The following ADCY7 variants were observed in gnomAD, a reference collection of about 807,000 sequenced individuals.
ADCY7 encodes adenylate cyclase type 7.
ADCY7 carries 72 observed loss-of-function variants against 120.6 expected under a neutral mutation model. The ratio of observed to expected loss-of-function variants is 0.60; its 90% confidence interval spans 0.49 to 0.73. The LOEUF is 0.73. Among genes scored for constraint, ADCY7 ranks in the 30% least tolerant of loss-of-function variants. The pLI is 0.00. For missense variants in ADCY7, 1,227 were observed against 1,486.0 expected (o/e 0.83, Z 2.87); for synonymous variants, 661 against 628.0 (o/e 1.05, Z -0.78).
intron 1 of ADCY7, among the ~76,000 whole-genome samples, chr16:50,260,760 C>T (rs936809024): frequency 8.5e-5 from 13 of 152,150 alleles, no homozygotes; most frequent in African/African-American, 2.4e-4. Context: ...GGGAGGCCTC[C>T]GTTCCTCGAA....
At chr16:50,312,288 G>GGA in intron 21 of ADCY7, 97 bp downstream of exon 21, 1 of 1,390,418 alleles carries the variant, frequency 7.2e-7, no homozygotes, top group Non-Finnish European at 9.9e-7. Context: ...TGCTGAGCTT[G>GGA]GCTTCCTCAG....
Position 50,288,052 on chromosome 16 carries a change from C to T in ADCY7, c.-128C>T. 8.6e-7 allele frequency: 1 copy of T among 1,162,570 alleles called. No individual in the cohort carries two copies. Among genetic ancestry groups the T allele is most frequent in the Middle Eastern group, 2.6e-4 (1 of 3,804 alleles). The allele number at this position is 1,162,570 out of a possible 1,614,324, so 72.0% of individuals were successfully genotyped here. ...GCAGGCCCAGAGGCCCTCTCCCCAG[C>T]CCTGCTTGCCTGCCTCGGAGAGGAC... On this transcript the variant is annotated 5_prime_UTR_variant, in exon 2 of 26. Coordinates refer to ENST00000673801, the MANE Select transcript of ADCY7 (RefSeq NM_001114.5).
upstream of ADCY7, among the ~76,000 whole-genome samples, chr16:50,263,729 A>C (rs2150806640): frequency 6.6e-6 from 1 of 151,994 alleles, no homozygotes; most frequent in African/African-American, 2.4e-5. Context: ...AATGTTGGTC[A>C]GGGTGGGTCG....
chr16:50,252,170 C>A (rs1449197369), intron 1 of ADCY7, among the ~76,000 whole-genome samples: 1 of 152,166 alleles, frequency 6.6e-6, no homozygotes, highest in Admixed American at 6.5e-5. Context: ...GCAGGCAGTC[C>A]TTTCTCTGTG....
At chr16:50,298,808 G>C (rs1322441856) in intron 7 of ADCY7, 96 bp from the exon 8 acceptor site, 2 of 1,509,834 alleles carry the variant, frequency 1.3e-6, no homozygotes, top group East Asian at 2.3e-5. Flanking sequence ...AGCCAGGAGA[G>C]AGCCGGGTGC....
chr16:50,315,494 G>A lies in ADCY7; in HGVS notation c.3232G>A (p.Gly1078Arg). Residue 1078 changes from glycine to arginine, a missense_variant, in exon 26 of 26, where the codon GGG (glycine) becomes AGG (arginine). By Grantham distance (125) the Gly-to-Arg change is moderately radical. Coordinates refer to ENST00000673801, the MANE Select transcript of ADCY7 (RefSeq NM_001114.5). ...GGACACTGCCAAGTTTCAGGGGCTG[G>A]GGCTGAACTGAGGGCTCCTGCTGGA... ...CTDTAKFQGL[G>R]LN is the part of the protein sequence containing the mutation. The A allele has an allele frequency of 6.2e-7, 1 of 1,611,672 alleles. No homozygotes were observed. The highest frequency in any genetic ancestry group is 8.5e-7 in the Non-Finnish European group (1 of 1,177,928).
At chr16:50,291,217 C>G (rs915341404) in intron 3 of ADCY7, among the ~76,000 whole-genome samples, 2 of 152,140 alleles carry the variant, frequency 1.3e-5, no homozygotes, top group African/African-American at 4.8e-5. Context: ...GGTCCTATGA[C>G]AGCTCCTGTG....
rs1420800457 is a variant in ADCY7, at chr16:50,309,637, G to A, written c.2151G>A (p.Glu717=). The change falls in exon 18 of 26, where the codon GAG becomes GAA. Residue 717 remains glutamate, a synonymous_variant. Transcript: ENST00000673801. ...AASSKTRALC[E]PLPYYTCSCV... is the part of the protein sequence containing the mutation. Reference sequence around the variant, plus strand: ...GCAGCAAGACAAGAGCCCTGTGTGAGCCCCTCCCGGTGAGTGCGCCGGGCC... The same window carrying A: ...GCAGCAAGACAAGAGCCCTGTGTGAACCCCTCCCGGTGAGTGCGCCGGGCC... The A allele has an allele frequency of 1.2e-6, 2 of 1,609,778 alleles. No individual in the cohort carries two copies. Among genetic ancestry groups the A allele is most frequent in the Non-Finnish European group, 1.7e-6 (2 of 1,179,984 alleles).
upstream of ADCY7, among the ~76,000 whole-genome samples, chr16:50,265,605 A>G (rs960349856): frequency 6.6e-6 from 1 of 152,236 alleles, no homozygotes; most frequent in Non-Finnish European, 1.5e-5. Context: ...AAGACAGACC[A>G]GCAACCAGTG....
Position 50,298,902 on chromosome 16 carries a change from A to G in ADCY7, c.949-2A>G, listed in dbSNP as rs1300147587. ...TGACCAGGCCCTTCCCTCACCCTGC[A>G]GGCCAACGAGTGCATGCGAATCAAG... On this transcript the variant is annotated splice_acceptor_variant, in intron 7 of 25. Transcript: ENST00000673801. LOFTEE classifies it high-confidence loss of function. The G allele has an allele frequency of 6.2e-7, 1 of 1,612,832 alleles. No individual in the cohort carries two copies. Among genetic ancestry groups the G allele is most frequent in the South Asian group, 1.1e-5 (1 of 91,026 alleles).
chr16:50,309,305 C>T (rs2036290833), intron 17 of ADCY7: 1 of 495,284 alleles, frequency 2.0e-6, no homozygotes, highest in Admixed American at 3.7e-5. Flanking sequence ...GGTCCCGGCC[C>T]CTCCCCCTGG....
chr16:50,305,630 CG>C, intron 13 of ADCY7, 44 bp downstream of exon 13: 1 of 1,544,422 alleles, frequency 6.5e-7, no homozygotes, highest in Non-Finnish European at 8.9e-7. Flanking sequence ...CTCTCCCCCT[CG>C]GATAGGGGTC....
At position 50,312,099 on chromosome 16, in the gene ADCY7, T is replaced by G; in HGVS notation, c.2512T>G (p.Phe838Val). The change falls in exon 21 of 26, where the codon TTT (phenylalanine) becomes GTT (valine). Residue 838 changes from phenylalanine (F) to valine (V), a missense_variant. Physicochemically the swap from Phe to Val is conservative, Grantham distance 50. Transcript: ENST00000673801. ...KKKFKKEHEE[F>V]ETMENVNRLL... ...GAAGTTCAAGAAGGAGCACGAGGAG[T>G]TTGAGACCATGGAGAACGTGAACCG... is the stretch of plus-strand genomic sequence containing the variant. The G allele has an allele frequency of 6.2e-7, 1 of 1,613,880 alleles. No homozygotes were observed. Among genetic ancestry groups the G allele is most frequent in the East Asian group, 2.2e-5 (1 of 44,884 alleles).
At chr16:50,306,997 G>A in intron 14 of ADCY7, 53 bp from the exon 15 acceptor site, 2 of 1,419,556 alleles carry the variant, frequency 1.4e-6, no homozygotes, top group Non-Finnish European at 2.0e-6. Flanking sequence ...TGGAGGCAGG[G>A]TGGGCAAGTG....
At chr16:50,255,614 C>G (rs2032898222) in intron 1 of ADCY7, among the ~76,000 whole-genome samples, 1 of 152,162 alleles carries the variant, frequency 6.6e-6, no homozygotes, top group South Asian at 2.1e-4. Context: ...CCTACTTCAG[C>G]CTCCTGAGTC....
intron 1 of ADCY7, among the ~76,000 whole-genome samples, chr16:50,249,130 T>G (rs1434765686): frequency 6.6e-6 from 1 of 152,164 alleles, no homozygotes; most frequent in Non-Finnish European, 1.5e-5. Flanking sequence ...ATGGTCCTAT[T>G]GTGTGTCTTA....
intron 15 of ADCY7, 56 bp downstream of exon 15, chr16:50,307,203 T>C (rs1596973978): frequency 6.5e-7 from 1 of 1,540,592 alleles, no homozygotes. Context: ...GGCTGGAAGG[T>C]GACTATGAAC....
chr16:50,309,797 C>T (rs982742650), intron 18 of ADCY7, 151 bp downstream of exon 18: 2 of 744,700 alleles, frequency 2.7e-6, no homozygotes, highest in Non-Finnish European at 4.2e-6. Flanking sequence ...GCTGGGAAAG[C>T]AGGGTCCCAT....
chr16:50,255,402 G>GA (rs60335173), intron 1 of ADCY7, among the ~76,000 whole-genome samples: 18,634 of 108,074 alleles, frequency 0.17, 1,914 homozygotes, highest in African/African-American at 0.2. Context: ...TCTGTTTCTG[G>GA]AAAAAAAAAA....
Sources: allele counts gnomAD v4.1 joint callset (sites outside exome capture counted in the v4.1 genomes callset), GRCh38; gene constraint gnomAD v4.1.1; transcripts MANE v1.5; gene names NCBI Gene and HGNC (gene_info 2026-07-23, HGNC 2026-07-21).